FBXL17: variants seen among roughly 807,000 people sequenced by gnomAD.
FBXL17 encodes the protein F-box/LRR-repeat protein 17.
Under a neutral mutation model 66.2 loss-of-function variants are expected in FBXL17, and 22 were observed. That is an observed-to-expected ratio of 0.33 (90% CI 0.24 to 0.47). The LOEUF is 0.47. Ranked by LOEUF, FBXL17 falls within the 20% of genes least tolerant of loss-of-function variation. The pLI, the probability that FBXL17 is intolerant of heterozygous loss-of-function variation, is 1.00. For synonymous variants in FBXL17, 474 were observed against 400.5 expected, an observed-to-expected ratio of 1.18 and a Z score of -2.19; for missense variants, 878 against 948.2, an observed-to-expected ratio of 0.93 and a Z score of 0.97.
chr5:108,050,662 A>C (rs1222904388), intron 6 of FBXL17, among the ~76,000 whole-genome samples: 2 of 152,150 alleles, frequency 1.3e-5, no homozygotes, highest in Non-Finnish European at 2.9e-5. Context: ...GCAAGGGCAA[A>C]CCAATCCCAA....
intron 7 of FBXL17, among the ~76,000 whole-genome samples, chr5:107,926,738 T>A (rs1446622080): frequency 2.0e-5 from 3 of 152,096 alleles, no homozygotes; most frequent in Non-Finnish European, 2.9e-5. Context: ...GTAGTGACAA[T>A]ATTTATTTTC....
chr5:108,252,278 G>A (rs1436869950), intron 4 of FBXL17, among the ~76,000 whole-genome samples: 1 of 151,876 alleles, frequency 6.6e-6, no homozygotes, highest in Non-Finnish European at 1.5e-5. Flanking sequence ...TTATAACTGG[G>A]GGGTTTCTTG....
intron 7 of FBXL17, among the ~76,000 whole-genome samples, chr5:107,956,874 G>GA (rs981811846): frequency 1.3e-5 from 2 of 152,058 alleles, no homozygotes; most frequent in Admixed American, 6.6e-5. Context: ...GACAGCTTAG[G>GA]AAAAAACTAA....
intron 4 of FBXL17, among the ~76,000 whole-genome samples, chr5:108,269,282 T>A (rs550070349): frequency 6.6e-6 from 1 of 152,168 alleles, no homozygotes; most frequent in Admixed American, 6.5e-5. Context: ...CCACTCAAAG[T>A]GGCGTATTTT....
At position 108,381,358 on chromosome 5, in the gene FBXL17, A is replaced by T. The variant is rs529903704; in HGVS notation, c.334T>A (p.Cys112Ser). Residue 112 changes from cysteine (C) to serine (S), a missense_variant, in exon 1 of 9, where the codon TGC (cysteine) becomes AGC (serine). This residue lies in a region of FBXL17 where 605 missense variants were observed against 509.5 expected (regional missense o/e 1.19). Transcript: ENST00000542267. ...AGGAAGCGGCGGGCAGCAGCGGCGCAGTCCTCGGCGGCCAGGGCCGCGTAG... is the reference window on the plus strand; with the variant it reads ...AGGAAGCGGCGGGCAGCAGCGGCGCTGTCCTCGGCGGCCAGGGCCGCGTAG... ...RRYAALAAED[C>S]AAAARRFLLS... 80 of 1,346,848 alleles carry T rather than the reference A, an allele frequency of 5.9e-5. No homozygotes were observed. Among genetic ancestry groups the T allele is most frequent in the South Asian group, 2.3e-4 (12 of 52,720 alleles). 83.4% of individuals were successfully genotyped at this position (1,346,848 alleles called of 1,614,324 possible). A position where few individuals can be genotyped will look rare whatever the true frequency, so the allele number is the denominator to read the frequency against.
intron 6 of FBXL17, among the ~76,000 whole-genome samples, chr5:108,056,079 C>T (rs1343620453): frequency 6.6e-6 from 1 of 152,160 alleles, no homozygotes; most frequent in Non-Finnish European, 1.5e-5. Context: ...TTCAACATGA[C>T]TGATTATCCA....
intron 6 of FBXL17, among the ~76,000 whole-genome samples, chr5:108,040,347 T>G (rs1746998706): frequency 6.6e-6 from 1 of 152,150 alleles, no homozygotes; most frequent in Non-Finnish European, 1.5e-5. Flanking sequence ...CATTCTAGAG[T>G]GTGGTCTAGC....
At chr5:108,335,618 T>C (rs1760342586) in intron 4 of FBXL17, among the ~76,000 whole-genome samples, 1 of 152,036 alleles carries the variant, frequency 6.6e-6, no homozygotes, top group South Asian at 2.1e-4. Context: ...TCTAAAGAAT[T>C]AACCTGTGAC....
intron 4 of FBXL17, among the ~76,000 whole-genome samples, chr5:108,272,478 C>G (rs1240503127): frequency 1.3e-5 from 2 of 151,778 alleles, no homozygotes; most frequent in East Asian, 3.9e-4. Context: ...CTCAGCCTCC[C>G]AAGTAGCTGG....
chr5:108,334,222 T>C (rs1760269285), intron 4 of FBXL17, among the ~76,000 whole-genome samples: 1 of 152,186 alleles, frequency 6.6e-6, no homozygotes, highest in African/African-American at 2.4e-5. Context: ...CAGTTAAGCT[T>C]CCACTCTGAC....
intron 5 of FBXL17, among the ~76,000 whole-genome samples, chr5:108,210,592 T>C (rs934488862): frequency 3.3e-5 from 5 of 152,172 alleles, no homozygotes; most frequent in Admixed American, 2.6e-4. Flanking sequence ...CAGAAGCAGG[T>C]TGTTCAGTTT....
At chr5:108,323,682 C>T (rs889088866) in intron 4 of FBXL17, among the ~76,000 whole-genome samples, 4 of 152,136 alleles carry the variant, frequency 2.6e-5, no homozygotes, top group Non-Finnish European at 2.9e-5. Flanking sequence ...CCCACACTTC[C>T]TGATTCCAAA....
chr5:108,260,521 G>A (rs1309698281), intron 4 of FBXL17, among the ~76,000 whole-genome samples: 1 of 152,080 alleles, frequency 6.6e-6, no homozygotes, highest in Non-Finnish European at 1.5e-5. Flanking sequence ...ATAGGAAAGG[G>A]AGGAAACGGC....
intron 4 of FBXL17, among the ~76,000 whole-genome samples, chr5:108,262,730 C>G (rs1322120028): frequency 1.2e-5 from 1 of 82,914 alleles, no homozygotes; most frequent in African/African-American, 5.3e-5. Flanking sequence ...GCAACAACAA[C>G]AAAAACCACC....
intron 4 of FBXL17, among the ~76,000 whole-genome samples, chr5:108,295,345 C>T (rs1161294272): frequency 6.6e-6 from 1 of 151,476 alleles, no homozygotes; most frequent in Non-Finnish European, 1.5e-5. Context: ...GCATTTAATT[C>T]TCATATATTC....
At chr5:108,051,039 A>G (rs541153344) in intron 6 of FBXL17, among the ~76,000 whole-genome samples, 5 of 152,356 alleles carry the variant, frequency 3.3e-5, no homozygotes, top group African/African-American at 1.2e-4. Context: ...TAAACCAAGA[A>G]GAAGCTGAAT....
chr5:108,330,787 T>C (rs563002507), intron 4 of FBXL17, among the ~76,000 whole-genome samples: 4 of 152,126 alleles, frequency 2.6e-5, no homozygotes, highest in African/African-American at 9.6e-5. Flanking sequence ...TGCACACACA[T>C]ACATATGCCC....
rs189904779 is a variant in FBXL17, at chr5:108,260,705, A to G, written c.1507-36477T>C. 6.6e-5 allele frequency among the ~76,000 whole-genome samples: 10 copies of G among 152,240 alleles called. No individual in the cohort carries two copies. In the East Asian group the frequency reaches 1.7e-3, roughly 26 times the overall value. On this transcript the variant is annotated intron_variant, in intron 4 of 8. Transcript: ENST00000542267. ...CTTGGAGCTCACAAAAGGAAACTGT[A>G]TTGTGCCTGTGGAACTTTAAGCCAG...
At chr5:108,112,068 T>G (rs1750057054) in intron 6 of FBXL17, among the ~76,000 whole-genome samples, 1 of 152,196 alleles carries the variant, frequency 6.6e-6, no homozygotes. Context: ...CAGTCTTGCT[T>G]GGCTTAGGAG....
Sources: gnomAD v4.1 joint callset for allele counts (sites outside exome capture counted in the v4.1 genomes callset) on GRCh38, gnomAD v4.1.1 for gene constraint, gnomAD v4.1.1 regional missense constraint, MANE v1.5 for transcripts, NCBI Gene and HGNC (gene_info 2026-07-23, HGNC 2026-07-21) for gene names.